Variants in STPG2 observed in about 807,000 individuals in gnomAD.
STPG2 encodes the protein sperm-tail PG-rich repeat-containing protein 2.
A neutral mutation model predicts 54.2 loss-of-function variants in STPG2; 56 were observed. The ratio of observed to expected loss-of-function variants is 1.03; its 90% CI spans 0.83 to 1.29. STPG2 has a LOEUF of 1.29. Among genes scored for constraint, STPG2 ranks in the 50% most tolerant of loss-of-function variants. The pLI is 0.00. For missense variants in STPG2, 596 were observed against 544.9 expected (o/e 1.09, Z -0.93); for synonymous variants, 200 against 181.8 (o/e 1.10, Z -0.81).
intron 8 of STPG2, among the ~76,000 whole-genome samples, chr4:97,935,024 C>T (rs574026168): frequency 6.6e-6 from 1 of 152,118 alleles, no homozygotes; most frequent in African/African-American, 2.4e-5. Context: ...ATTACTGCCT[C>T]AATTTCAGAA....
At chr4:97,903,948 T>C (rs1387201232) in intron 8 of STPG2, among the ~76,000 whole-genome samples, 4 of 152,184 alleles carry the variant, frequency 2.6e-5, no homozygotes, top group Non-Finnish European at 5.9e-5. Flanking sequence ...CAGAGAGTCC[T>C]ACGCCCACAG....
intron 4 of STPG2, among the ~76,000 whole-genome samples, chr4:97,543,995 C>T (rs998583671): frequency 2.0e-5 from 3 of 151,982 alleles, no homozygotes; most frequent in African/African-American, 7.2e-5. Context: ...ATTGAAAAAC[C>T]TTAATCATAA....
At chr4:97,918,055 C>A (rs774281495) in intron 8 of STPG2, among the ~76,000 whole-genome samples, 1 of 149,794 alleles carries the variant, frequency 6.7e-6, no homozygotes, top group Non-Finnish European at 1.5e-5. Context: ...TTAAGGCATG[C>A]GTATATAAGG....
intron 10 of STPG2, among the ~76,000 whole-genome samples, chr4:97,571,909 C>T (rs1052121741): frequency 6.6e-6 from 1 of 152,148 alleles, no homozygotes; most frequent in African/African-American, 2.4e-5. Flanking sequence ...ATGACATTGT[C>T]ACCAAGCTTA....
At chr4:97,614,652 T>A (rs1213623135) in intron 10 of STPG2, among the ~76,000 whole-genome samples, 1 of 152,152 alleles carries the variant, frequency 6.6e-6, no homozygotes, top group Admixed American at 6.6e-5. Context: ...TCCATAGTCA[T>A]CACTTTGTGC....
At chr4:98,006,889 C>A (rs1735593852) in intron 5 of STPG2, among the ~76,000 whole-genome samples, 1 of 152,118 alleles carries the variant, frequency 6.6e-6, no homozygotes, top group African/African-American at 2.4e-5. Flanking sequence ...TGCATTTGGG[C>A]CATCCTTCCC....
intron 8 of STPG2, among the ~76,000 whole-genome samples, chr4:97,922,480 T>C (rs1309396102): frequency 6.6e-6 from 1 of 152,216 alleles, no homozygotes; most frequent in African/African-American, 2.4e-5. Context: ...AAACTGAGAA[T>C]GCCTTTGTTG....
chr4:97,636,983 C>G (rs1046443250), intron 10 of STPG2, among the ~76,000 whole-genome samples: 1 of 152,210 alleles, frequency 6.6e-6, no homozygotes, highest in Non-Finnish European at 1.5e-5. Context: ...TCCTCCCTAA[C>G]TCATTTTATG....
In STPG2 at chr4:97,697,628, G is replaced by GC. The variant is rs1332323822; in HGVS notation, c.1320+15070dup. ...AAAAGGGGGAACTTGTTGGGAACAGGCCCCCAAATCTGGCTATAAACTGGC... is the reference window on the plus strand; with the variant it reads ...AAAAGGGGGAACTTGTTGGGAACAGGCCCCCCAAATCTGGCTATAAACTGGC... On this transcript the variant is annotated intron_variant, in intron 10 of 10. Transcript: ENST00000295268. 4.6e-5 allele frequency among the ~76,000 whole-genome samples: 7 copies of GC among 152,084 alleles called. No homozygotes were observed. The East Asian group carries it at 1.2e-3, about 25-fold the overall frequency.
At chr4:97,716,177 C>G (rs1049258518) in intron 9 of STPG2, among the ~76,000 whole-genome samples, 1 of 151,924 alleles carries the variant, frequency 6.6e-6, no homozygotes, top group African/African-American at 2.4e-5. Context: ...GAATGGTGAT[C>G]ATTAAAAAAA....
intron 10 of STPG2, among the ~76,000 whole-genome samples, chr4:97,657,830 AT>A (rs1265964431): frequency 6.6e-6 from 1 of 152,226 alleles, no homozygotes; most frequent in African/African-American, 2.4e-5. Context: ...CAAAGACATG[AT>A]TTCAAAATGA....
At chr4:97,795,038 T>C (rs897182307) in intron 9 of STPG2, among the ~76,000 whole-genome samples, 1 of 152,210 alleles carries the variant, frequency 6.6e-6, no homozygotes, top group Non-Finnish European at 1.5e-5. Context: ...TCTTCAGTTT[T>C]TGTATCTCAC....
Position 97,462,026 on chromosome 4 carries a change from A to C in STPG2, c.462+250673T>G, listed in dbSNP as rs114240132. Among the ~76,000 whole-genome samples the C allele has an allele frequency of 1.8e-3, 279 of 152,066 alleles. 1 individual carries two copies. The highest frequency in any genetic ancestry group is 6.4e-3 in the African/African-American group (265 of 41,516). ...CTCAAAGAAGTATTTCATTAACTTAACCTCATGAAGATAGTCTCCTACTTC... is the reference window on the plus strand; with the variant it reads ...CTCAAAGAAGTATTTCATTAACTTACCCTCATGAAGATAGTCTCCTACTTC... On this transcript the variant is annotated intron_variant, in intron 4 of 4. Transcript: ENST00000522676.
intron 4 of STPG2, among the ~76,000 whole-genome samples, chr4:97,551,825 G>A (rs1328007566): frequency 6.6e-6 from 1 of 152,068 alleles, no homozygotes; most frequent in Non-Finnish European, 1.5e-5. Flanking sequence ...ATTGATTCAG[G>A]GAAGCACTCA....
intron 10 of STPG2, among the ~76,000 whole-genome samples, chr4:97,612,475 G>A (rs888825158): frequency 3.3e-5 from 5 of 152,056 alleles, no homozygotes; most frequent in Admixed American, 1.3e-4. Flanking sequence ...GCAAATAGGT[G>A]TACCAAAGTA....
At chr4:98,115,519 C>G (rs2110150436) in intron 3 of STPG2, among the ~76,000 whole-genome samples, 1 of 152,068 alleles carries the variant, frequency 6.6e-6, no homozygotes, top group Admixed American at 6.6e-5. Context: ...GAGTCTTACA[C>G]AACTCTTAAT....
chr4:98,105,130 T>C (rs1449401554), intron 5 of STPG2, among the ~76,000 whole-genome samples: 1 of 152,230 alleles, frequency 6.6e-6, no homozygotes, highest in Non-Finnish European at 1.5e-5. Flanking sequence ...TTTCAATTCC[T>C]GTGTGTCATT....
intron 5 of STPG2, among the ~76,000 whole-genome samples, chr4:98,052,731 T>A (rs1007629665): frequency 6.6e-6 from 1 of 152,166 alleles, no homozygotes; most frequent in Non-Finnish European, 1.5e-5. Flanking sequence ...AATCACATAT[T>A]TAAAATACTT....
intron 8 of STPG2, among the ~76,000 whole-genome samples, chr4:97,923,515 T>C (rs1361814716): frequency 6.6e-6 from 1 of 152,268 alleles, no homozygotes; most frequent in Non-Finnish European, 1.5e-5. Flanking sequence ...AGAATCTTTA[T>C]GTCTAGCTAA....
Sources: gnomAD v4.1 joint callset for allele counts (sites outside exome capture counted in the v4.1 genomes callset) on GRCh38, gnomAD v4.1.1 for gene constraint, MANE v1.5 for transcripts, NCBI Gene and HGNC (gene_info 2026-07-23, HGNC 2026-07-21) for gene names.